Variants in WDR91 observed in about 807,000 individuals in gnomAD.
WDR91 encodes WD repeat-containing protein 91.
In WDR91, 52 loss-of-function variants were observed where a neutral mutation model predicts 88.4. The observed-to-expected ratio is 0.59, with a 90% CI of 0.47 to 0.74. The LOEUF (loss-of-function observed/expected upper bound fraction) is 0.74, where lower values mean the gene tolerates loss of function less well. WDR91 is among the 30% of genes least tolerant of loss of function. The probability of loss-of-function intolerance (pLI) is 0.00; values close to 1 mark genes in which losing one functional copy is unlikely to be tolerated. For missense variants in WDR91, 824 were observed against 954.5 expected (o/e 0.86, Z 1.80); for synonymous variants, 362 against 389.5 (o/e 0.93, Z 0.83).
At chr7:135,192,161 A>C (rs1475261102) in intron 11 of WDR91, among the ~76,000 whole-genome samples, 1 of 135,912 alleles carries the variant, frequency 7.4e-6, no homozygotes, top group Non-Finnish European at 1.5e-5. Context: ...TCTGTCACCC[A>C]GGCTGGAATA....
Position 135,198,149 on chromosome 7 carries a change from G to A in WDR91, c.894C>T (p.Gly298=), listed in dbSNP as rs533918935. ...CGGACGTCGGGTCCTTTCCCTTGGT[G>A]CCCTAGAGGAAAAGAAGCTGGCTGT... The part of the protein sequence containing the change: ...SAKKESFGGQ[G]TKGKDPTSGA... Residue 298 remains glycine (G), a splice_region_variant and synonymous_variant, in exon 7 of 15, where the codon GGC becomes GGT. Coordinates refer to ENST00000354475, the MANE Select transcript of WDR91 (RefSeq NM_014149.4). 3 of 1,610,856 alleles carry A rather than the reference G, an allele frequency of 1.9e-6. No homozygotes were observed. Among genetic ancestry groups the A allele is most frequent in the Middle Eastern group, 1.7e-4 (1 of 5,928 alleles).
At chr7:135,192,603 C>T (rs1362472462) in intron 11 of WDR91, among the ~76,000 whole-genome samples, 1 of 152,230 alleles carries the variant, frequency 6.6e-6, no homozygotes, top group African/African-American at 2.4e-5. Flanking sequence ...ACAAACTGAA[C>T]ATCTGGAACA....
At position 135,193,261 on chromosome 7, in the gene WDR91, C is replaced by A. The variant is rs1831236749; in HGVS notation, c.1629G>T (p.Leu543=). 1 of 1,614,038 alleles carries A rather than the reference C, an allele frequency of 6.2e-7. No individual in the cohort carries two copies. Among genetic ancestry groups the A allele is most frequent in the Non-Finnish European group, 8.5e-7 (1 of 1,180,058 alleles). Residue 543 remains leucine (L), a synonymous_variant, in exon 11 of 15, where the codon CTG becomes CTT. Coordinates refer to ENST00000354475, the MANE Select transcript of WDR91 (RefSeq NM_014149.4). ...GCTTCATGGTTTTCGTGTCCCACAG[C>A]AGCAGCCTGCCAGGAACCTGGTTCA... ...KGMNQVPGRL[L]LWDTKTMKQQ...
Position 135,193,215 on chromosome 7 carries a change from C to A in WDR91, c.1659+16G>T, listed in dbSNP as rs763311087. 1 of 1,612,046 alleles carries A rather than the reference C, an allele frequency of 6.2e-7. No homozygotes were observed. Among genetic ancestry groups the A allele is most frequent in the Admixed American group, 1.7e-5 (1 of 59,956 alleles). ...GTGTGCCTGGCCCCAGAGAGAGCCACAGGGCAGGCCCGTACCTGCTGCTTC... is the reference window on the plus strand; with the variant it reads ...GTGTGCCTGGCCCCAGAGAGAGCCAAAGGGCAGGCCCGTACCTGCTGCTTC... On this transcript the variant is annotated intron_variant, in intron 11 of 14. Coordinates refer to ENST00000354475, the MANE Select transcript of WDR91 (RefSeq NM_014149.4).
At chr7:135,192,447 T>G (rs1447119241) in intron 11 of WDR91, among the ~76,000 whole-genome samples, 1 of 152,176 alleles carries the variant, frequency 6.6e-6, no homozygotes, top group Admixed American at 6.5e-5. Flanking sequence ...TGAGGCACAT[T>G]TGCCAAAGTG....
At chr7:135,207,284 G>C in intron 3 of WDR91, 82 bp from the exon 4 acceptor site, 1 of 1,154,838 alleles carries the variant, frequency 8.7e-7, no homozygotes, top group Non-Finnish European at 1.3e-6. Flanking sequence ...TAAAACACAT[G>C]AGACACAGGG....
At chr7:135,195,392 C>T (rs894356710) in intron 8 of WDR91, among the ~76,000 whole-genome samples, 2 of 152,254 alleles carry the variant, frequency 1.3e-5, no homozygotes, top group African/African-American at 4.8e-5. Flanking sequence ...GAGCCTCCAA[C>T]TCACACTCCA....
rs1008086182 is a variant in WDR91 at position 135,185,335 on chromosome 7, A to C, written c.*816T>G. ...ACATGAATGAATTTCATGTTTAGAC[A>C]TGAGACCTACCAAGATACCTCATTA... On this transcript the variant is annotated 3_prime_UTR_variant, in exon 15 of 15. Coordinates refer to ENST00000354475, the MANE Select transcript of WDR91 (RefSeq NM_014149.4). 3 of 152,252 alleles carry C rather than the reference A, an allele frequency of 2.0e-5. No individual in the cohort carries two copies. Among genetic ancestry groups the C allele is most frequent in the African/African-American group, 7.2e-5 (3 of 41,462 alleles). The allele number at this position is 152,252 out of a possible 1,614,324, so 9.4% of individuals were successfully genotyped here.
chr7:135,201,563 A>G (rs746991202), intron 6 of WDR91: 2 of 152,226 alleles, frequency 1.3e-5, no homozygotes, highest in African/African-American at 2.4e-5. Context: ...CAAAATTTAT[A>G]ATGCTTTCTA....
At chr7:135,210,764 A>T in intron 1 of WDR91, 1 of 703,548 alleles carries the variant, frequency 1.4e-6, no homozygotes, top group South Asian at 1.5e-5. Context: ...TCTTGCTGTT[A>T]GCTCACTGCC....
chr7:135,194,893 C>T (rs368524115), intron 9 of WDR91, 41 bp downstream of exon 9: 70 of 1,608,874 alleles, frequency 4.4e-5, no homozygotes, highest in Admixed American at 1.0e-4. Context: ...AATTCCTCCA[C>T]TGAGCCAGCA....
In WDR91 at chr7:135,209,629, T is replaced by C. The variant is rs772112622; in HGVS notation, c.250A>G (p.Ile84Val). Residue 84 changes from isoleucine to valine, a missense_variant, in exon 2 of 15, where the codon ATC (isoleucine) becomes GTC (valine). Coordinates refer to ENST00000354475, the MANE Select transcript of WDR91 (RefSeq NM_014149.4). ...AACAGGCTGGTTTTCAGCTTGTGGA[T>C]TGTGGGTCTGTATATATCCTCCAAG... ...SRLEDIYRPT[I>V]HKLKTSLFRF... 6 of 1,610,816 alleles carry C rather than the reference T, an allele frequency of 3.7e-6. No individual in the cohort carries two copies. The highest frequency in any genetic ancestry group is 2.2e-5 in the South Asian group (2 of 90,602).
Position 135,183,863 on chromosome 7 carries a change from G to A in WDR91, c.*2288C>T, listed in dbSNP as rs1188196702. The A allele has an allele frequency of 6.6e-6, 1 of 152,160 alleles. No individual in the cohort carries two copies. The highest frequency in any genetic ancestry group is 1.5e-5 in the Non-Finnish European group (1 of 68,040). 9.4% of individuals were successfully genotyped at this position (152,160 alleles called of 1,614,324 possible). A position where few individuals can be genotyped will look rare whatever the true frequency, so the allele number is the denominator to read the frequency against. On this transcript the variant is annotated 3_prime_UTR_variant, in exon 15 of 15. Transcript: ENST00000354475. ...GGAAGTTCCAACATGCTTTATTTGAGGACGAGCGCTCACCCGGGATGGAGT... is the reference window on the plus strand; with the variant it reads ...GGAAGTTCCAACATGCTTTATTTGAAGACGAGCGCTCACCCGGGATGGAGT...
intron 6 of WDR91, chr7:135,200,428 T>C (rs1831529002): frequency 2.6e-5 from 4 of 152,218 alleles, no homozygotes; most frequent in African/African-American, 2.4e-5. Context: ...GTGTACTCTC[T>C]AGACAATGAC....
chr7:135,186,943 A>G, intron 14 of WDR91, 29 bp downstream of exon 14: 1 of 1,612,102 alleles, frequency 6.2e-7, no homozygotes, highest in Non-Finnish European at 8.5e-7. Context: ...CCACAATACC[A>G]CTACCTCCCA....
Position 135,206,831 on chromosome 7 carries a change from A to T in WDR91, c.594+289T>A, listed in dbSNP as rs1044048045. On this transcript the variant is annotated intron_variant, in intron 4 of 14. Transcript: ENST00000354475. Reference sequence around the variant, plus strand: ...CAAAACAGACACATGAAAACAGGTTAGTTATAAGGTGGCATGGATGCATAT... The same window carrying T: ...CAAAACAGACACATGAAAACAGGTTTGTTATAAGGTGGCATGGATGCATAT... Among the ~76,000 whole-genome samples the T allele has an allele frequency of 4.6e-5, 7 of 151,894 alleles. No individual in the cohort carries two copies. In the East Asian group the frequency reaches 1.2e-3, roughly 25 times the overall value.
rs1585393907 is a variant in WDR91, at chr7:135,183,888, TA to T, written c.*2262del. On this transcript the variant is annotated 3_prime_UTR_variant, in exon 15 of 15. Transcript: ENST00000354475. ...GGACGAGCGCTCACCCGGGATGGAG[TA>T]AGAAGTGGGATGGGAGAAGCGTAGG... 6.6e-6 allele frequency: 1 copy of T among 151,726 alleles called. No individual in the cohort carries two copies. The highest frequency in any genetic ancestry group is 2.4e-5 in the African/African-American group (1 of 41,252). The allele number at this position is 151,726 out of a possible 1,614,324, so 9.4% of individuals were successfully genotyped here.
rs923931927 is a variant in WDR91 at position 135,188,508 on chromosome 7, G to C, written c.1806C>G (p.Ala602=). The change falls in exon 13 of 15, where the codon GCC becomes GCG. Residue 602 remains alanine (A), a synonymous_variant. Transcript: ENST00000354475. ...CCACAGAGTAGACCTCCCCGTAGTGGGCCCTCCAGCTCATCGCGCACTCAT... is the reference window on the plus strand; with the variant it reads ...CCACAGAGTAGACCTCCCCGTAGTGCGCCCTCCAGCTCATCGCGCACTCAT... ...QQHECAMSWR[A]HYGEVYSVEF... 6.2e-7 allele frequency: 1 copy of C among 1,613,934 alleles called. No homozygotes were observed.
chr7:135,211,439 T>G lies in WDR91; in HGVS notation c.64A>C (p.Thr22Pro). 6.2e-7 allele frequency: 1 copy of G among 1,612,430 alleles called. No individual in the cohort carries two copies. The highest frequency in any genetic ancestry group is 8.5e-7 in the Non-Finnish European group (1 of 1,179,314). The change falls in exon 1 of 15, where the codon ACG (threonine) becomes CCG (proline). Residue 22 changes from threonine to proline, a missense_variant. Physicochemically the swap from Thr to Pro is conservative, Grantham distance 38 (BLOSUM62 -1). Coordinates refer to ENST00000354475, the MANE Select transcript of WDR91 (RefSeq NM_014149.4). ...VREYLLFRGF[T>P]HTLRQLDAEI... ...GCGTCCAGCTGCCGCAGTGTGTGCG[T>G]GAACCCGCGGAAGAGCAGGTACTCC...
Sources: gnomAD v4.1 joint callset for allele counts (sites outside exome capture counted in the v4.1 genomes callset) on GRCh38, gnomAD v4.1.1 for gene constraint, MANE v1.5 for transcripts, NCBI Gene and HGNC (gene_info 2026-07-23, HGNC 2026-07-21) for gene names.